Variants in RIMBP2 observed in about 807,000 individuals in gnomAD.
RIMBP2 encodes the protein RIMS-binding protein 2.
Under a neutral mutation model 118.6 loss-of-function variants are expected in RIMBP2, and 48 were observed. The observed-to-expected ratio is 0.40, with a 90% CI of 0.32 to 0.51. The LOEUF is 0.51. RIMBP2 is among the 20% of genes least tolerant of loss of function. RIMBP2 has a pLI of 0.41. For missense variants in RIMBP2, 1,551 were observed against 1,768.3 expected (o/e 0.88, Z 2.20); for synonymous variants, 762 against 742.9 (o/e 1.03, Z -0.42).
chr12:130,518,237 TC>T, intron 2 of RIMBP2, among the ~76,000 whole-genome samples: 1 of 152,298 alleles, frequency 6.6e-6, no homozygotes, highest in Non-Finnish European at 1.5e-5. Context: ...CTTTGACCCA[TC>T]CTTTTTCCCG....
Position 130,710,210 on chromosome 12 carries a change from C to T in RIMBP2, c.-352+6012G>A, listed in dbSNP as rs1223081812. 6.6e-6 allele frequency among the ~76,000 whole-genome samples: 1 copy of T among 152,120 alleles called. No individual in the cohort carries two copies. The highest frequency in any genetic ancestry group is 1.5e-5 in the Non-Finnish European group (1 of 68,008). On this transcript the variant is annotated intron_variant, in intron 1 of 22. Coordinates refer to ENST00000690449, the MANE Select transcript of RIMBP2 (RefSeq NM_001393629.1). This position sits in a 1 kb window ranked among gnomAD's most constrained non-coding sequence, Gnocchi z 4.3. ...GCAGATCCATTCCTCCCTCTGCCCTCGGGGCCTGAACCTCTCTCCCAGGTG... is the reference window on the plus strand; with the variant it reads ...GCAGATCCATTCCTCCCTCTGCCCTTGGGGCCTGAACCTCTCTCCCAGGTG...
rs1466227699 is a variant in RIMBP2, at chr12:130,442,495, G to A, written c.857C>T (p.Ser286Phe). 6.2e-7 allele frequency: 1 copy of A among 1,614,090 alleles called. No homozygotes were observed. The highest frequency in any genetic ancestry group is 2.2e-5 in the East Asian group (1 of 44,880). Residue 286 changes from serine to phenylalanine, a missense_variant, in exon 11 of 23, where the codon TCC (serine) becomes TTC (phenylalanine). By Grantham distance (155) the Ser-to-Phe change is radical (BLOSUM62 -2). This residue lies in a region of RIMBP2 where 265 missense variants were observed against 349.5 expected (regional missense o/e 0.76). Transcript: ENST00000690449. The surrounding 1 kb of genome is among the most constrained non-coding windows in gnomAD (Gnocchi z 6.9). ...GATGCCCGCATCTATGTGGGTTGGGGAGTGGAGGTCCAGGATGTGCTCTCC... is the reference window on the plus strand; with the variant it reads ...GATGCCCGCATCTATGTGGGTTGGGAAGTGGAGGTCCAGGATGTGCTCTCC... The part of the protein sequence containing the change: ...LEGEHILDLH[S>F]PTHIDAGITD...
Position 130,518,802 on chromosome 12 carries a change from A to T in RIMBP2, c.-216-885T>A, listed in dbSNP as rs139918061. ...TGGGATTAAGAATCTCTCATTCAAG[A>T]TGAGTCTGAAAAGAGAAATTCCAGA... On this transcript the variant is annotated intron_variant, in intron 2 of 22. Transcript: ENST00000690449. 6.9e-3 allele frequency among the ~76,000 whole-genome samples: 1,056 copies of T among 152,352 alleles called. 6 individuals are homozygous for T. The highest frequency in any genetic ancestry group is 0.024 in the Middle Eastern group (7 of 294).
chr12:130,543,758 A>G (rs78223790), intron 2 of RIMBP2, among the ~76,000 whole-genome samples: 7 of 98,600 alleles, frequency 7.1e-5, no homozygotes, highest in Admixed American at 3.7e-4. Context: ...CACCAGGTGG[A>G]AAAAAAAAAA....
rs776745350 is a variant in RIMBP2 at position 130,620,072 on chromosome 12, G to A, written c.-217+8250C>T. 9.9e-5 allele frequency among the ~76,000 whole-genome samples: 15 copies of A among 152,136 alleles called. No individual in the cohort carries two copies. Among genetic ancestry groups the A allele is most frequent in the Non-Finnish European group, 1.5e-4 (10 of 68,026 alleles). On this transcript the variant is annotated intron_variant, in intron 2 of 22. Coordinates refer to ENST00000690449, the MANE Select transcript of RIMBP2 (RefSeq NM_001393629.1). The surrounding 1 kb of genome is among the most constrained non-coding windows in gnomAD (Gnocchi z 5.3). Reference sequence around the variant, plus strand: ...AGGCTCCTGGACCCCTGCGGCAACCGGTTGAAAAGGGCCTCCGAGGCAGTG... The same window carrying A: ...AGGCTCCTGGACCCCTGCGGCAACCAGTTGAAAAGGGCCTCCGAGGCAGTG...
Position 130,710,038 on chromosome 12 carries a change from C to T in RIMBP2, c.-352+6184G>A, listed in dbSNP as rs553960178. 2.4e-3 allele frequency among the ~76,000 whole-genome samples: 373 copies of T among 152,258 alleles called. 3 individuals are homozygous for T. Among genetic ancestry groups the T allele is most frequent in the African/African-American group, 8.3e-3 (346 of 41,548 alleles). On this transcript the variant is annotated intron_variant, in intron 1 of 22. Transcript: ENST00000690449. This position sits in a 1 kb window ranked among gnomAD's most constrained non-coding sequence, Gnocchi z 4.3. ...AGTACACCACTGGCCCCCTGGTTTCCGGGTATCCCTGGGAGCTCACGGGTG... is the reference window on the plus strand; with the variant it reads ...AGTACACCACTGGCCCCCTGGTTTCTGGGTATCCCTGGGAGCTCACGGGTG...
At chr12:130,681,839 G>A (rs2064801862) in intron 1 of RIMBP2, among the ~76,000 whole-genome samples, 2 of 151,872 alleles carry the variant, frequency 1.3e-5, no homozygotes, top group African/African-American at 4.8e-5. Context: ...GGATTACAGG[G>A]GCTCACCACC....
intron 2 of RIMBP2, among the ~76,000 whole-genome samples, chr12:130,559,735 T>C (rs757131307): frequency 7.2e-5 from 11 of 152,206 alleles, no homozygotes; most frequent in Non-Finnish European, 1.2e-4. Flanking sequence ...GACCACATGC[T>C]GTAGAGACTA....
intron 1 of RIMBP2, among the ~76,000 whole-genome samples, chr12:130,685,785 CTATG>C (rs2065011687): frequency 6.6e-6 from 1 of 152,200 alleles, no homozygotes. Context: ...CTCTGTTTAC[CTATG>C]ACAAGGCCAG....
intron 4 of RIMBP2, among the ~76,000 whole-genome samples, chr12:130,495,029 C>T (rs2049013020): frequency 7.0e-6 from 1 of 143,066 alleles, no homozygotes; most frequent in Non-Finnish European, 1.5e-5. Context: ...CTCCCATCCC[C>T]TTGGGTGTCT....
At chr12:130,458,007 TTGTC>T (rs1336600012) in intron 6 of RIMBP2, among the ~76,000 whole-genome samples, 2 of 152,056 alleles carry the variant, frequency 1.3e-5, no homozygotes, top group African/African-American at 2.4e-5. Flanking sequence ...GGGCAGGGCT[TTGTC>T]TGCCTGTTTC....
At chr12:130,533,785 T>C (rs974806768) in intron 2 of RIMBP2, among the ~76,000 whole-genome samples, 1 of 152,206 alleles carries the variant, frequency 6.6e-6, no homozygotes, top group Non-Finnish European at 1.5e-5. Flanking sequence ...GAGGCCATTA[T>C]CTTAAGTGAA....
At chr12:130,468,994 GCTGAGGAAC>G (rs1159291544) in intron 6 of RIMBP2, 1 of 152,210 alleles carries the variant, frequency 6.6e-6, no homozygotes, top group African/African-American at 2.4e-5. Context: ...GCTCCCCCAG[GCTGAGGAAC>G]CCCGACCACC....
intron 19 of RIMBP2, 96 bp from the exon 20 acceptor site, chr12:130,407,925 C>G: frequency 1.9e-6 from 2 of 1,079,144 alleles, no homozygotes; most frequent in South Asian, 2.5e-5. Context: ...CCAATACAGC[C>G]GAGACCTGGC....
At chr12:130,689,744 C>T (rs925529379) in intron 1 of RIMBP2, among the ~76,000 whole-genome samples, 5 of 152,164 alleles carry the variant, frequency 3.3e-5, no homozygotes, top group East Asian at 1.9e-4. Flanking sequence ...ACCCTGCCCG[C>T]GAGTGGAGGA....
At chr12:130,712,134 C>T (rs542700489) in intron 1 of RIMBP2, among the ~76,000 whole-genome samples, 7 of 152,318 alleles carry the variant, frequency 4.6e-5, no homozygotes, top group African/African-American at 9.6e-5. Context: ...GAGGAGTGGA[C>T]GTGAGGGCCC....
At chr12:130,546,417 T>TC (rs1312895515) in intron 2 of RIMBP2, among the ~76,000 whole-genome samples, 2 of 152,170 alleles carry the variant, frequency 1.3e-5, no homozygotes, top group African/African-American at 4.8e-5. Context: ...TGCCTCAGCC[T>TC]CCAGAGGAGC....
chr12:130,572,246 G>A (rs1480017733), intron 2 of RIMBP2, among the ~76,000 whole-genome samples: 1 of 92,734 alleles, frequency 1.1e-5, no homozygotes, highest in African/African-American at 2.9e-5. Context: ...CCCACTGCAC[G>A]CACCACGGAG....
At position 130,446,553 on chromosome 12, in the gene RIMBP2, A is replaced by G. The variant is rs2078537857; in HGVS notation, c.582-1284T>C. ...TCCAGGAACCCAATCCAAGACCCTG[A>G]CAGCACCCAGCAGGTCAGCCTAGAG... On this transcript the variant is annotated intron_variant, in intron 9 of 22. Transcript: ENST00000690449. The surrounding 1 kb of genome is among the most constrained non-coding windows in gnomAD (Gnocchi z 4.1). Among the ~76,000 whole-genome samples the G allele has an allele frequency of 1.4e-5, 2 of 145,194 alleles. No individual in the cohort carries two copies. The highest frequency in any genetic ancestry group is 4.2e-4 in the South Asian group (2 of 4,818).
Sources: gnomAD v4.1 joint callset for allele counts (sites outside exome capture counted in the v4.1 genomes callset) on GRCh38, gnomAD v4.1.1 for gene constraint, gnomAD v4.1.1 regional missense constraint, Gnocchi (gnomAD v3.1) non-coding constraint, MANE v1.5 for transcripts, NCBI Gene and HGNC (gene_info 2026-07-23, HGNC 2026-07-21) for gene names.